RNF150: variants seen among roughly 807,000 people sequenced by gnomAD.
RNF150 encodes the protein ring finger protein 150.
Under a neutral mutation model 39.3 loss-of-function variants are expected in RNF150, and 24 were observed. The ratio of observed to expected loss-of-function variants is 0.61; its 90% CI spans 0.44 to 0.86. The LOEUF is 0.86. Ranked by LOEUF, RNF150 falls within the 40% of genes least tolerant of loss-of-function variation. The pLI is 0.00. For missense variants in RNF150, 502 were observed against 587.8 expected (o/e 0.85, Z 1.51); for synonymous variants, 255 against 227.3 (o/e 1.12, Z -1.10).
chr4:141,148,968 T>C (rs1247500470), intron 1 of RNF150, among the ~76,000 whole-genome samples: 4 of 152,192 alleles, frequency 2.6e-5, no homozygotes, highest in East Asian at 3.8e-4. Context: ...CCTGTCTTTA[T>C]TGAAGTCACC....
At chr4:141,093,843 A>G (rs535244221) in intron 1 of RNF150, among the ~76,000 whole-genome samples, 2 of 152,364 alleles carry the variant, frequency 1.3e-5, no homozygotes, top group Non-Finnish European at 2.9e-5. Flanking sequence ...AATGCCTGAC[A>G]ATATTAAGAG....
At chr4:140,918,726 C>T (rs1335341503) in intron 5 of RNF150, among the ~76,000 whole-genome samples, 1 of 102,772 alleles carries the variant, frequency 9.7e-6, no homozygotes, top group African/African-American at 3.4e-5. Context: ...GGCAGACACA[C>T]AACCAAAAAA....
chr4:140,955,642 A>G (rs1732719368), intron 2 of RNF150, among the ~76,000 whole-genome samples: 1 of 152,184 alleles, frequency 6.6e-6, no homozygotes, highest in African/African-American at 2.4e-5. Flanking sequence ...CATGGATATG[A>G]CATGTGCTTT....
At chr4:141,186,765 G>A (rs189907239) in intron 1 of RNF150, among the ~76,000 whole-genome samples, 2 of 151,988 alleles carry the variant, frequency 1.3e-5, no homozygotes, top group African/African-American at 4.8e-5. Flanking sequence ...AGTCTGGCTA[G>A]TGGTCCACCT....
In RNF150 at chr4:140,860,952, T is replaced by C. The variant is rs1728467755; in HGVS notation, c.*7309A>G. ...ATTTTAAAGAACAATACCCATTTTT[T>C]TTTCCAGAAAATGGATGGAATGTAA... is the stretch of plus-strand genomic sequence containing the variant. On this transcript the variant is annotated 3_prime_UTR_variant, in exon 7 of 7. Transcript: ENST00000515673. The C allele has an allele frequency of 6.6e-6, 1 of 152,100 alleles. No homozygotes were observed. Among genetic ancestry groups the C allele is most frequent in the African/African-American group, 2.4e-5 (1 of 41,408 alleles). The allele number at this position is 152,100 out of a possible 1,614,324, so 9.4% of individuals were successfully genotyped here. A position where few individuals can be genotyped will look rare whatever the true frequency, so the allele number is the denominator to read the frequency against.
At chr4:141,189,134 C>T (rs1385265624) in intron 1 of RNF150, among the ~76,000 whole-genome samples, 2 of 152,096 alleles carry the variant, frequency 1.3e-5, no homozygotes, top group Non-Finnish European at 2.9e-5. Flanking sequence ...CTGTCAGGCC[C>T]CTTTTCTGCA....
At position 141,097,981 on chromosome 4, in the gene RNF150, GC is replaced by G. The variant is rs538875294; in HGVS notation, c.484+34343del. 4.0e-3 allele frequency among the ~76,000 whole-genome samples: 602 copies of G among 152,190 alleles called. 5 individuals are homozygous for G. The highest frequency in any genetic ancestry group is 0.013 in the African/African-American group (555 of 41,524). On this transcript the variant is annotated intron_variant, in intron 1 of 6. Transcript: ENST00000515673. ...CAAATTTTACCCATCTCCTTCAGATGCCCCCCTCCCTTATGAAAATCCCTTG... is the reference window on the plus strand; with the variant it reads ...CAAATTTTACCCATCTCCTTCAGATGCCCCCTCCCTTATGAAAATCCCTTG...
At chr4:141,108,884 C>A (rs1233146156) in intron 1 of RNF150, among the ~76,000 whole-genome samples, 1 of 152,174 alleles carries the variant, frequency 6.6e-6, no homozygotes, top group East Asian at 1.9e-4. Flanking sequence ...GCATCCTTAA[C>A]CGCTGCAGCT....
At chr4:140,955,311 A>G (rs1011489795) in intron 2 of RNF150, among the ~76,000 whole-genome samples, 1 of 152,194 alleles carries the variant, frequency 6.6e-6, no homozygotes, top group Non-Finnish European at 1.5e-5. Flanking sequence ...TGAGCACACA[A>G]TGTGAGGTAG....
intron 1 of RNF150, among the ~76,000 whole-genome samples, chr4:141,046,527 A>G (rs1736582542): frequency 6.6e-6 from 1 of 152,152 alleles, no homozygotes; most frequent in Non-Finnish European, 1.5e-5. Flanking sequence ...TGAAGTTCAC[A>G]CTTTATGAGT....
At chr4:140,922,342 C>A (rs912477307) in intron 5 of RNF150, among the ~76,000 whole-genome samples, 2 of 150,102 alleles carry the variant, frequency 1.3e-5, no homozygotes, top group Non-Finnish European at 3.0e-5. Flanking sequence ...AACAGAGAGG[C>A]AAATCATGAG....
intron 1 of RNF150, among the ~76,000 whole-genome samples, chr4:141,094,198 C>T (rs2111016812): frequency 6.6e-6 from 1 of 152,196 alleles, no homozygotes; most frequent in Middle Eastern, 3.4e-3. Context: ...TGCAAAGAGG[C>T]AATATCCTCA....
intron 1 of RNF150, among the ~76,000 whole-genome samples, chr4:140,998,141 A>G (rs1734451670): frequency 6.6e-6 from 1 of 152,220 alleles, no homozygotes; most frequent in Non-Finnish European, 1.5e-5. Context: ...ACAGCTGCCC[A>G]GCATAGAGTT....
chr4:140,928,781 C>T (rs11930379), intron 4 of RNF150, among the ~76,000 whole-genome samples: 61,548 of 151,866 alleles, frequency 0.41, 13,022 homozygotes, highest in Non-Finnish European at 0.47. Flanking sequence ...CTCCTGACCT[C>T]GTGATCCACC....
Position 141,158,382 on chromosome 4 carries a change from T to G in RNF150, c.-6+54412A>C, listed in dbSNP as rs79369009. On this transcript the variant is annotated intron_variant, in intron 1 of 7. Coordinates refer to the RNF150 transcript ENST00000420921. ...TTCTGTAATCTTTTTTCAGGAGAGG[T>G]TGAGAAAATATAAAGTACTATGACC... Among the ~76,000 whole-genome samples the G allele has an allele frequency of 4.2e-3, 633 of 151,358 alleles. 9 individuals carry two copies. The East Asian group carries it at 0.063, about 15-fold the overall frequency.
intron 1 of RNF150, chr4:141,053,532 G>T (rs1282888906): frequency 6.8e-6 from 3 of 441,442 alleles, no homozygotes; most frequent in Non-Finnish European, 1.2e-5. Flanking sequence ...TTTAGGCAGG[G>T]CTCAAAAGAA....
intron 1 of RNF150, among the ~76,000 whole-genome samples, chr4:141,013,681 TA>T (rs1452576515): frequency 2.0e-5 from 3 of 152,322 alleles, no homozygotes; most frequent in African/African-American, 4.8e-5. Flanking sequence ...CTGAATTATT[TA>T]AAAAATTATC....
chr4:141,174,812 C>T (rs550626436), intron 1 of RNF150, among the ~76,000 whole-genome samples: 3 of 149,674 alleles, frequency 2.0e-5, no homozygotes, highest in African/African-American at 4.9e-5. Flanking sequence ...GAATATAGCT[C>T]TATTAAAAAC....
intron 1 of RNF150, among the ~76,000 whole-genome samples, chr4:141,005,104 T>C (rs996527142): frequency 1.3e-5 from 2 of 152,158 alleles, no homozygotes; most frequent in African/African-American, 4.8e-5. Flanking sequence ...TGTTGTCAAG[T>C]ATGACCCCAT....
Sources: allele counts gnomAD v4.1 joint callset (sites outside exome capture counted in the v4.1 genomes callset), GRCh38; gene constraint gnomAD v4.1.1; transcripts MANE v1.5; gene names NCBI Gene and HGNC (gene_info 2026-07-23, HGNC 2026-07-21).